The following LRRC4C variants were observed in gnomAD, a reference collection of about 807,000 sequenced individuals.
LRRC4C encodes leucine-rich repeat-containing protein 4C.
In LRRC4C, 5 loss-of-function variants were observed where a neutral mutation model predicts 33.6. The observed-to-expected ratio is 0.15, with a 90% CI of 0.08 to 0.31. The LOEUF (loss-of-function observed/expected upper bound fraction) is 0.31. LRRC4C is among the 10% of genes least tolerant of loss of function. The pLI, the probability that LRRC4C is intolerant of heterozygous loss-of-function variation, is 1.00. For missense variants in LRRC4C, 560 were observed against 796.7 expected (o/e 0.70, Z 3.58); for synonymous variants, 329 against 302.0 (o/e 1.09, Z -0.93).
chr11:41,398,923 A>G (rs1953924023), intron 1 of LRRC4C, among the ~76,000 whole-genome samples: 1 of 151,878 alleles, frequency 6.6e-6, no homozygotes, highest in Non-Finnish European at 1.5e-5. Context: ...CACTTTGTCT[A>G]TTTACCTTGT....
At chr11:40,792,623 C>A (rs1490058823) in intron 2 of LRRC4C, among the ~76,000 whole-genome samples, 1 of 151,964 alleles carries the variant, frequency 6.6e-6, no homozygotes, top group Non-Finnish European at 1.5e-5. Context: ...TTGACCCAGC[C>A]ATCCCATTAC....
chr11:40,585,106 C>A (rs1958661048), intron 3 of LRRC4C, among the ~76,000 whole-genome samples: 1 of 152,024 alleles, frequency 6.6e-6, no homozygotes, highest in African/African-American at 2.4e-5. Context: ...TATGGTTGGC[C>A]TATGCAGATA....
intron 5 of LRRC4C, among the ~76,000 whole-genome samples, chr11:40,229,537 GGCTGGGATTACAGGTGTGA>G (rs1402376790): frequency 6.6e-6 from 1 of 151,956 alleles, no homozygotes; most frequent in Non-Finnish European, 1.5e-5. Context: ...CCTCCCAAAG[GGCTGGGATTACAGGTGTGA>G]GCCACCACAC....
At chr11:40,819,436 C>A (rs1006312308) in intron 2 of LRRC4C, among the ~76,000 whole-genome samples, 2 of 152,096 alleles carry the variant, frequency 1.3e-5, no homozygotes, top group Non-Finnish European at 1.5e-5. Context: ...GGAGATTCAG[C>A]CAGAGCAGAG....
At chr11:40,633,793 T>A (rs1963721618) in intron 3 of LRRC4C, among the ~76,000 whole-genome samples, 1 of 152,218 alleles carries the variant, frequency 6.6e-6, no homozygotes, top group Non-Finnish European at 1.5e-5. Context: ...GAAATGGAGT[T>A]ATAGACAAAT....
rs557529080 is a variant in LRRC4C at position 40,406,674 on chromosome 11, G to C, written c.-269-86953C>G. On this transcript the variant is annotated intron_variant, in intron 3 of 6. Coordinates refer to ENST00000528697, the MANE Select transcript of LRRC4C (RefSeq NM_001258419.2). ...AAGTCTCTAGATTATGCATATGTTA[G>C]TTTTATAATTGCAAAACACAATACA... Among the ~76,000 whole-genome samples, 4 of 152,202 alleles carry C rather than the reference G, an allele frequency of 2.6e-5. No homozygotes were observed. In the South Asian group the frequency reaches 8.3e-4, roughly 32 times the overall value.
chr11:40,915,118 G>T (rs992339526), intron 2 of LRRC4C, among the ~76,000 whole-genome samples: 3 of 152,154 alleles, frequency 2.0e-5, no homozygotes, highest in Admixed American at 1.3e-4. Context: ...TGGCCATACT[G>T]CCCAAGGTAA....
intron 2 of LRRC4C, among the ~76,000 whole-genome samples, chr11:40,873,408 G>A (rs940149224): frequency 1.3e-4 from 20 of 152,072 alleles, no homozygotes; most frequent in African/African-American, 3.1e-4. Context: ...CAGGTGTGCC[G>A]TCAGAAATGT....
chr11:41,433,450 T>C (rs1335905371), intron 1 of LRRC4C, among the ~76,000 whole-genome samples: 3 of 152,136 alleles, frequency 2.0e-5, no homozygotes, highest in Non-Finnish European at 2.9e-5. Flanking sequence ...CTTGATTGCA[T>C]TGAAGGATGC....
chr11:40,915,882 T>C (rs1330202647), intron 2 of LRRC4C, among the ~76,000 whole-genome samples: 4 of 151,802 alleles, frequency 2.6e-5, no homozygotes, highest in Admixed American at 6.6e-5. Context: ...AAAAAGTGGG[T>C]GAAGGATATG....
At chr11:40,540,667 A>G (rs1956670677) in intron 3 of LRRC4C, among the ~76,000 whole-genome samples, 1 of 152,116 alleles carries the variant, frequency 6.6e-6, no homozygotes, top group Non-Finnish European at 1.5e-5. Flanking sequence ...AAAAAATATC[A>G]AGTATATGTA....
In LRRC4C at chr11:40,842,327, G is replaced by C. The variant is rs1411390768; in HGVS notation, c.-407+91308C>G. ...CCCAACTCTTAACATTCTTCAGAAT[G>C]TCCTTATATATAGCAGAGAAGGCCC... is the stretch of plus-strand genomic sequence containing the variant. On this transcript the variant is annotated intron_variant, in intron 2 of 6. Transcript: ENST00000528697. Among the ~76,000 whole-genome samples the C allele has an allele frequency of 2.6e-5, 4 of 152,098 alleles. No individual in the cohort carries two copies. In the East Asian group the frequency reaches 7.7e-4, roughly 29 times the overall value.
chr11:40,173,079 C>G (rs1860183219), intron 5 of LRRC4C, among the ~76,000 whole-genome samples: 1 of 152,118 alleles, frequency 6.6e-6, no homozygotes, highest in South Asian at 2.1e-4. Context: ...ATGCCAGAAG[C>G]TAGAAGAAAA....
chr11:40,491,136 T>A (rs552200954), intron 3 of LRRC4C, among the ~76,000 whole-genome samples: 1 of 151,980 alleles, frequency 6.6e-6, no homozygotes, highest in Non-Finnish European at 1.5e-5. Context: ...TACAAAAAAA[T>A]TAGCTGGACG....
chr11:41,413,080 T>C (rs1468430876), intron 1 of LRRC4C, among the ~76,000 whole-genome samples: 1 of 152,176 alleles, frequency 6.6e-6, no homozygotes, highest in Non-Finnish European at 1.5e-5. Flanking sequence ...TCCATTGCTG[T>C]TGAGCTTTAA....
At chr11:40,768,745 C>A (rs1377219868) in intron 2 of LRRC4C, among the ~76,000 whole-genome samples, 2 of 152,046 alleles carry the variant, frequency 1.3e-5, no homozygotes, top group East Asian at 3.9e-4. Flanking sequence ...AACATATGAT[C>A]ATTTCAACTG....
At chr11:40,838,951 G>A (rs921073200) in intron 2 of LRRC4C, among the ~76,000 whole-genome samples, 5 of 151,992 alleles carry the variant, frequency 3.3e-5, no homozygotes, top group Admixed American at 3.3e-4. Flanking sequence ...GAGGATTTAA[G>A]AATGATAATG....
intron 5 of LRRC4C, among the ~76,000 whole-genome samples, chr11:40,204,767 G>C (rs910770618): frequency 2.6e-5 from 4 of 152,142 alleles, no homozygotes; most frequent in South Asian, 2.1e-4. Flanking sequence ...GCAGAGAGTT[G>C]AGTCTAGATT....
chr11:40,533,237 A>C (rs1956342410), intron 3 of LRRC4C, among the ~76,000 whole-genome samples: 1 of 152,172 alleles, frequency 6.6e-6, no homozygotes, highest in Admixed American at 6.6e-5. Flanking sequence ...TTAACAAATA[A>C]AAATATTTGT....
Sources: gnomAD v4.1 joint callset for allele counts (sites outside exome capture counted in the v4.1 genomes callset) on GRCh38, gnomAD v4.1.1 for gene constraint, MANE v1.5 for transcripts, NCBI Gene and HGNC (gene_info 2026-07-23, HGNC 2026-07-21) for gene names.